RACK1: variants seen among roughly 807,000 people sequenced by gnomAD.
RACK1 encodes small ribosomal subunit protein RACK1.
In RACK1, 3 loss-of-function variants were observed where a neutral mutation model predicts 42.2. The ratio of observed to expected loss-of-function variants is 0.07; its 90% CI spans 0.03 to 0.18. The LOEUF (loss-of-function observed/expected upper bound fraction) is 0.18. Ranked by LOEUF, RACK1 falls within the 10% of genes least tolerant of loss-of-function variation. The pLI is 1.00. For missense variants in RACK1, 146 were observed against 403.2 expected (o/e 0.36, Z 5.46); for synonymous variants, 181 against 154.8 (o/e 1.17, Z -1.25).
chr5:181,239,434 C>T (rs760581130), intron 4 of RACK1, 53 bp downstream of exon 4: 3 of 1,300,644 alleles, frequency 2.3e-6, no homozygotes, highest in Non-Finnish European at 3.4e-6. Flanking sequence ...AGTGTATGAC[C>T]ACCTGGGAGC....
At chr5:181,238,952 ATCC>A (rs766459140) in intron 5 of RACK1, 112 bp downstream of exon 5, 4 of 780,198 alleles carry the variant, frequency 5.1e-6, no homozygotes, top group Admixed American at 1.7e-5. Context: ...TTATCTCATT[ATCC>A]TCCTAAAACC....
chr5:181,237,599 AC>A lies in RACK1; in HGVS notation c.888+9del. On this transcript the variant is annotated intron_variant, in intron 7 of 7. Transcript: ENST00000512805. ...GAAGCAGAATCACCTGAGAGGACAG[AC>A]CCACTTACCTGGCCATCAGCAGACC... 7.0e-7 allele frequency: 1 copy of A among 1,430,444 alleles called. No homozygotes were observed. Among genetic ancestry groups the A allele is most frequent in the Non-Finnish European group, 9.9e-7 (1 of 1,012,060 alleles). The allele number at this position is 1,430,444 out of a possible 1,614,324, so 88.6% of individuals were successfully genotyped here.
chr5:181,237,891 C>T, intron 6 of RACK1, 172 bp from the exon 7 acceptor site: 2 of 661,062 alleles, frequency 3.0e-6, no homozygotes, highest in Non-Finnish European at 5.3e-6. Flanking sequence ...TTGCTACTGA[C>T]ATCTAGTAGA....
At chr5:181,238,804 A>C (rs1431618050) in intron 5 of RACK1, 4 of 442,552 alleles carry the variant, frequency 9.0e-6, no homozygotes, top group South Asian at 2.1e-5. Flanking sequence ...GTCTCAAAAA[A>C]AAAACAAAAA....
At chr5:181,242,751 C>T in intron 1 of RACK1, 1 of 350,480 alleles carries the variant, frequency 2.9e-6, no homozygotes, top group South Asian at 2.1e-5. Flanking sequence ...ACTAGAGATG[C>T]GGTTTCACCA....
intron 3 of RACK1, chr5:181,241,010 G>A (rs961791844): frequency 1.9e-5 from 3 of 155,426 alleles, no homozygotes; most frequent in Admixed American, 6.3e-5. Flanking sequence ...TCTAATCCCA[G>A]CTACTTGGGA....
chr5:181,237,753 A>G (rs1759193907), intron 6 of RACK1, 34 bp from the exon 7 acceptor site: 2 of 1,118,622 alleles, frequency 1.8e-6, no homozygotes, highest in South Asian at 2.5e-5. Context: ...CTTAAGACTT[A>G]CCAATCAAGA....
At chr5:181,237,514 A>G (rs1469819548) in intron 7 of RACK1, 95 bp downstream of exon 7, 2 of 769,796 alleles carry the variant, frequency 2.6e-6, no homozygotes, top group Non-Finnish European at 4.7e-6. Context: ...TGCCAAGGAC[A>G]CTGCTCTTGT....
intron 3 of RACK1, among the ~76,000 whole-genome samples, chr5:181,240,697 AT>A (rs1229296395): frequency 1.3e-5 from 2 of 152,006 alleles, no homozygotes; most frequent in Non-Finnish European, 2.9e-5. Context: ...AAGAAAAAAA[AT>A]AAATAAAATT....
chr5:181,242,109 TGC>T, intron 2 of RACK1, 63 bp downstream of exon 2: 2 of 1,417,968 alleles, frequency 1.4e-6, no homozygotes, highest in Non-Finnish European at 2.0e-6. Flanking sequence ...ACCAGCCAAT[TGC>T]ATCCACCTCA....
chr5:181,239,421 TG>T, intron 4 of RACK1, 65 bp downstream of exon 4: 2 of 1,126,208 alleles, frequency 1.8e-6, no homozygotes, highest in Non-Finnish European at 2.7e-6. Context: ...CCACAGGACT[TG>T]GAGTGTATGA....
chr5:181,237,170 T>A (rs1357505456), intron 7 of RACK1, 128 bp from the exon 8 acceptor site: 1 of 1,526,032 alleles, frequency 6.6e-7, no homozygotes, highest in Non-Finnish European at 8.9e-7. Context: ...AGTGCAGGGG[T>A]GCGATCCTGG....
At chr5:181,242,443 CA>C in intron 1 of RACK1, 98 bp from the exon 2 acceptor site, 2 of 714,736 alleles carry the variant, frequency 2.8e-6, no homozygotes, top group East Asian at 5.4e-5. Context: ...AGTGGGTTAA[CA>C]ACAACTAAGG....
intron 7 of RACK1, 110 bp from the exon 8 acceptor site, chr5:181,237,152 T>C (rs1407933156): frequency 6.4e-7 from 1 of 1,555,964 alleles, no homozygotes. Context: ...CTCCATTGTC[T>C]AGGCTGGAGT....
At chr5:181,243,633 G>A (rs930025507) in intron 1 of RACK1, 59 bp downstream of exon 1, 1 of 1,538,428 alleles carries the variant, frequency 6.5e-7, no homozygotes, top group African/African-American at 1.4e-5. Flanking sequence ...TTCCCTACAC[G>A]ACACGCGGAA....
chr5:181,242,145 G>A (rs1759370804), intron 2 of RACK1, 29 bp downstream of exon 2: 1 of 1,590,920 alleles, frequency 6.3e-7, no homozygotes, highest in Middle Eastern at 2.2e-4. Flanking sequence ...TCTTCCCAAG[G>A]CCCCAGAGCT....
chr5:181,243,061 T>C, intron 1 of RACK1: 1 of 367,042 alleles, frequency 2.7e-6, no homozygotes, highest in East Asian at 7.4e-5. Flanking sequence ...CTTCAGGCGC[T>C]ACAGGATTGG....
At chr5:181,239,412 CACAGGACTTGG>C (rs747485823) in intron 4 of RACK1, 64 bp downstream of exon 4, 1 of 1,062,442 alleles carries the variant, frequency 9.4e-7, no homozygotes, top group Non-Finnish European at 1.5e-6. Context: ...CAAAGCTTTC[CACAGGACTTGG>C]AGTGTATGAC....
rs533647123 is a variant in RACK1 at position 181,243,895 on chromosome 5, A to T, written c.-95T>A. The T allele has an allele frequency of 8.9e-6, 13 of 1,456,234 alleles. No homozygotes were observed. Among genetic ancestry groups the T allele is most frequent in the Non-Finnish European group, 1.2e-5 (13 of 1,103,650 alleles). 90.2% of individuals were successfully genotyped at this position (1,456,234 alleles called of 1,614,324 possible). On this transcript the variant is annotated 5_prime_UTR_variant, in exon 1 of 8. Coordinates refer to ENST00000512805, the MANE Select transcript of RACK1 (RefSeq NM_006098.5). ...ACAACCTCTCCTGCCGCCGCCTTGC[A>T]GTGAAAGAGAGAGAGAAAAGCCCCC...
Sources: allele counts gnomAD v4.1 joint callset (sites outside exome capture counted in the v4.1 genomes callset), GRCh38; gene constraint gnomAD v4.1.1; transcripts MANE v1.5; gene names NCBI Gene and HGNC (gene_info 2026-07-23, HGNC 2026-07-21).